TSPAN5: variants seen among roughly 807,000 people sequenced by gnomAD.
TSPAN5 encodes tetraspanin-5.
In TSPAN5, 10 loss-of-function variants were observed where a neutral mutation model predicts 37.1. The observed-to-expected ratio is 0.27, with a 90% confidence interval of 0.17 to 0.46. The LOEUF is 0.46. TSPAN5 is among the 20% of genes least tolerant of loss of function. The probability of loss-of-function intolerance (pLI) is 1.00; values close to 1 mark genes in which losing one functional copy is unlikely to be tolerated. For missense variants in TSPAN5, 195 were observed against 326.6 expected, an observed-to-expected ratio of 0.60 and a Z score of 3.11; for synonymous variants, 110 against 118.9, an observed-to-expected ratio of 0.93 and a Z score of 0.48.
At chr4:98,588,257 T>C (rs945680557) in intron 1 of TSPAN5, among the ~76,000 whole-genome samples, 1 of 152,150 alleles carries the variant, frequency 6.6e-6, no homozygotes, top group Non-Finnish European at 1.5e-5. Context: ...GAGAAGCCTT[T>C]TAAATGAGCC....
At chr4:98,582,660 C>A (rs914737462) in intron 1 of TSPAN5, among the ~76,000 whole-genome samples, 1 of 152,158 alleles carries the variant, frequency 6.6e-6, no homozygotes, top group African/African-American at 2.4e-5. Context: ...GTTCAAGCTG[C>A]TTGAAAAATG....
chr4:98,550,161 C>T lies in TSPAN5; in HGVS notation c.82-42433G>A, dbSNP rs555364435. 2.0e-5 allele frequency among the ~76,000 whole-genome samples: 3 copies of T among 152,172 alleles called. No homozygotes were observed. The East Asian group carries it at 5.8e-4, about 29-fold the overall frequency. On this transcript the variant is annotated intron_variant, in intron 1 of 7. Transcript: ENST00000305798. ...AATAGGGTGTCATTTCCCCAGTGTA[C>T]ATTTTTGTTGAATTTGTTGAAAATC...
chr4:98,590,725 A>G (rs930132064), intron 1 of TSPAN5, among the ~76,000 whole-genome samples: 1 of 148,224 alleles, frequency 6.7e-6, no homozygotes, highest in Admixed American at 6.7e-5. Flanking sequence ...AAAAAAAAAG[A>G]GAGAGAGAGA....
At chr4:98,585,949 C>G (rs180782064) in intron 1 of TSPAN5, among the ~76,000 whole-genome samples, 1 of 152,344 alleles carries the variant, frequency 6.6e-6, no homozygotes, top group Non-Finnish European at 1.5e-5. Context: ...TGCTCTCTAG[C>G]TGCTAACTAA....
intron 1 of TSPAN5, among the ~76,000 whole-genome samples, chr4:98,613,870 C>G (rs182044482): frequency 2.6e-5 from 4 of 152,196 alleles, no homozygotes; most frequent in African/African-American, 9.6e-5. Flanking sequence ...ATTCCCCCCC[C>G]AAAATGACTC....
At position 98,630,878 on chromosome 4, in the gene TSPAN5, G is replaced by A. The variant is rs376411552; in HGVS notation, c.81+27268C>T. ...CTGGTGCTTAGCACAAATAGCGAAT[G>A]AGAGTTCACTGGGAAGTACAAACGA... On this transcript the variant is annotated intron_variant, in intron 1 of 7. Coordinates refer to ENST00000305798, the MANE Select transcript of TSPAN5 (RefSeq NM_005723.4). Among the ~76,000 whole-genome samples, 3 of 152,322 alleles carry A rather than the reference G, an allele frequency of 2.0e-5. No homozygotes were observed. In the East Asian group the frequency reaches 5.8e-4, roughly 29 times the overall value.
At chr4:98,544,180 T>C (rs1404035288) in intron 1 of TSPAN5, among the ~76,000 whole-genome samples, 8 of 149,460 alleles carry the variant, frequency 5.4e-5, no homozygotes, top group Non-Finnish European at 1.0e-4. Context: ...ACCCTGTCTC[T>C]GAATGAATGA....
intron 3 of TSPAN5, chr4:98,484,157 C>T: frequency 4.0e-6 from 1 of 246,936 alleles, no homozygotes. Context: ...AAATTCAATT[C>T]ATATAAAATA....
chr4:98,556,182 T>C (rs1036208806), intron 1 of TSPAN5, among the ~76,000 whole-genome samples: 3 of 152,098 alleles, frequency 2.0e-5, no homozygotes, highest in Admixed American at 1.3e-4. Context: ...TTATGCCAAA[T>C]CTGTGGGTGG....
chr4:98,617,061 ACAAT>A (rs1756359253), intron 1 of TSPAN5, among the ~76,000 whole-genome samples: 1 of 152,048 alleles, frequency 6.6e-6, no homozygotes, highest in Non-Finnish European at 1.5e-5. Flanking sequence ...CTGAGCTCAA[ACAAT>A]CACCTGCCTT....
At chr4:98,508,219 G>T (rs1753521888) in intron 1 of TSPAN5, among the ~76,000 whole-genome samples, 1 of 152,150 alleles carries the variant, frequency 6.6e-6, no homozygotes, top group Admixed American at 6.5e-5. Flanking sequence ...AAGGTAACAA[G>T]AATCTTATCA....
At chr4:98,541,833 C>A (rs560682226) in intron 1 of TSPAN5, among the ~76,000 whole-genome samples, 19 of 152,128 alleles carry the variant, frequency 1.2e-4, no homozygotes, top group African/African-American at 4.3e-4. Context: ...GCAGGGGATA[C>A]GTTAAGGTCA....
intron 1 of TSPAN5, among the ~76,000 whole-genome samples, chr4:98,550,995 T>C (rs1393271224): frequency 6.6e-6 from 1 of 152,224 alleles, no homozygotes; most frequent in African/African-American, 2.4e-5. Flanking sequence ...TCCTATTAAG[T>C]ATGATGTTGG....
intron 1 of TSPAN5, among the ~76,000 whole-genome samples, chr4:98,647,111 C>G (rs1033460062): frequency 1.3e-5 from 2 of 152,164 alleles, no homozygotes; most frequent in Non-Finnish European, 2.9e-5. Flanking sequence ...CCTCCCACCA[C>G]AAGGGTACCA....
chr4:98,646,650 G>A (rs994595626), intron 1 of TSPAN5, among the ~76,000 whole-genome samples: 12 of 152,152 alleles, frequency 7.9e-5, no homozygotes, highest in African/African-American at 1.9e-4. Context: ...TAAGAACTGC[G>A]TGCCACTCAT....
intron 1 of TSPAN5, among the ~76,000 whole-genome samples, chr4:98,584,863 A>C (rs1755450462): frequency 6.6e-6 from 1 of 152,212 alleles, no homozygotes; most frequent in Non-Finnish European, 1.5e-5. Context: ...AGAGTGCTCA[A>C]AGTTCCACAT....
intron 1 of TSPAN5, among the ~76,000 whole-genome samples, chr4:98,622,324 G>A (rs1373926939): frequency 1.3e-5 from 2 of 152,130 alleles, no homozygotes; most frequent in African/African-American, 2.4e-5. Flanking sequence ...TGATCCACCC[G>A]CCTCAGATCC....
rs555904106 is a variant in TSPAN5, at chr4:98,604,598, C to G, written c.81+53548G>C. ...CAGTAGTGGGATTTATACTTGAATA[C>G]TATATTTAGTCTGAGGTTTCCATTT... On this transcript the variant is annotated intron_variant, in intron 1 of 7. Coordinates refer to ENST00000305798, the MANE Select transcript of TSPAN5 (RefSeq NM_005723.4). 2.6e-5 allele frequency among the ~76,000 whole-genome samples: 4 copies of G among 152,288 alleles called. No homozygotes were observed. In the East Asian group the frequency reaches 7.7e-4, roughly 29 times the overall value.
chr4:98,524,292 G>GA (rs1454940368), intron 1 of TSPAN5, among the ~76,000 whole-genome samples: 5 of 152,130 alleles, frequency 3.3e-5, no homozygotes, highest in Admixed American at 1.3e-4. Flanking sequence ...AGAGAGGGTC[G>GA]CCATGGGAAA....
Sources: gnomAD v4.1 joint callset for allele counts (sites outside exome capture counted in the v4.1 genomes callset) on GRCh38, gnomAD v4.1.1 for gene constraint, MANE v1.5 for transcripts, NCBI Gene and HGNC (gene_info 2026-07-23, HGNC 2026-07-21) for gene names.